The following EYS variants were observed in gnomAD, a reference collection of about 807,000 sequenced individuals.
EYS encodes EGF-like photoreceptor maintenance factor.
EYS carries 250 observed loss-of-function variants against 282.1 expected under a neutral mutation model. The ratio of observed to expected loss-of-function variants is 0.89; its 90% CI spans 0.80 to 0.98. EYS has a LOEUF of 0.98. EYS is among the 50% of genes least tolerant of loss of function. The probability of loss-of-function intolerance (pLI) is 0.00; values close to 1 mark genes in which losing one functional copy is unlikely to be tolerated. For missense variants in EYS, 4,016 were observed against 3,709.0 expected, an observed-to-expected ratio of 1.08 and a Z score of -2.15; for synonymous variants, 1,355 against 1,282.9, an observed-to-expected ratio of 1.06 and a Z score of -1.20.
intron 8 of EYS, among the ~76,000 whole-genome samples, chr6:65,380,487 C>T (rs372665394): frequency 4.9e-4 from 74 of 152,170 alleles, no homozygotes; most frequent in East Asian, 2.1e-3. Flanking sequence ...GGATTAAAGA[C>T]GTAAATGTAA....
At chr6:64,712,270 C>A (rs994476894) in intron 22 of EYS, among the ~76,000 whole-genome samples, 1 of 152,118 alleles carries the variant, frequency 6.6e-6, no homozygotes, top group African/African-American at 2.4e-5. Flanking sequence ...AGAATATATA[C>A]GAGCTGTAGC....
intron 12 of EYS, among the ~76,000 whole-genome samples, chr6:65,205,085 A>G (rs1291974016): frequency 6.9e-6 from 1 of 145,442 alleles, no homozygotes; most frequent in Non-Finnish European, 1.5e-5. Flanking sequence ...ATATATTTAT[A>G]TATTCTTTAT....
At chr6:65,592,909 C>A (rs1011488411) in intron 2 of EYS, among the ~76,000 whole-genome samples, 1 of 151,988 alleles carries the variant, frequency 6.6e-6, no homozygotes, top group Non-Finnish European at 1.5e-5. Flanking sequence ...CACGTAGCAT[C>A]CTTCTCTACC....
At chr6:64,169,447 T>TTTTTTTTTTTTTTTTTTTTTA (rs1764411208) in intron 31 of EYS, among the ~76,000 whole-genome samples, 2 of 137,460 alleles carry the variant, frequency 1.5e-5, no homozygotes, top group African/African-American at 5.2e-5. Flanking sequence ...TTTTTTTTTT[T>TTTTTTTTTTTTTTTTTTTTTA]ACAAAAAGGA....
intron 2 of EYS, among the ~76,000 whole-genome samples, chr6:65,504,192 A>G (rs113102196): frequency 0.044 from 6,550 of 149,782 alleles, 334 homozygotes; most frequent in African/African-American, 0.12. Flanking sequence ...CCAATTATTT[A>G]TTTATTTTGG....
chr6:64,280,451 AG>A (rs1432811803), intron 30 of EYS, among the ~76,000 whole-genome samples: 14 of 152,132 alleles, frequency 9.2e-5, no homozygotes. Context: ...CATGTGCTTA[AG>A]GCCGTTTGAG....
chr6:64,747,164 C>T (rs1182869206), intron 22 of EYS, among the ~76,000 whole-genome samples: 1 of 152,158 alleles, frequency 6.6e-6, no homozygotes, highest in Non-Finnish European at 1.5e-5. Context: ...AGTAAAACTA[C>T]TTTGTAATTT....
At chr6:64,166,284 C>T (rs890609557) in intron 31 of EYS, among the ~76,000 whole-genome samples, 2 of 152,164 alleles carry the variant, frequency 1.3e-5, no homozygotes, top group African/African-American at 4.8e-5. Context: ...GTTCGCTTAA[C>T]GAGTATTCCC....
chr6:64,573,592 A>G (rs1471881579), intron 26 of EYS, among the ~76,000 whole-genome samples: 1 of 152,174 alleles, frequency 6.6e-6, no homozygotes, highest in Non-Finnish European at 1.5e-5. Context: ...GAAAAAATCA[A>G]TCCCGTCAAA....
At chr6:64,685,065 A>G (rs2149907942) in intron 22 of EYS, among the ~76,000 whole-genome samples, 1 of 152,228 alleles carries the variant, frequency 6.6e-6, no homozygotes, top group Non-Finnish European at 1.5e-5. Context: ...GTTGAAAGCA[A>G]AGGTAAAAGA....
chr6:63,753,740 A>G (rs2149650099), intron 41 of EYS, among the ~76,000 whole-genome samples: 1 of 152,308 alleles, frequency 6.6e-6, no homozygotes, highest in Admixed American at 6.5e-5. Flanking sequence ...TTGAGTGGAG[A>G]CAGAGAGCTA....
intron 22 of EYS, among the ~76,000 whole-genome samples, chr6:64,719,422 C>T (rs990580993): frequency 6.6e-6 from 1 of 151,936 alleles, no homozygotes; most frequent in East Asian, 1.9e-4. Context: ...GAGTACATTG[C>T]TATTGGGAAA....
At chr6:63,816,947 A>G (rs539357220) in intron 36 of EYS, among the ~76,000 whole-genome samples, 3 of 152,322 alleles carry the variant, frequency 2.0e-5, no homozygotes, top group South Asian at 4.1e-4. Context: ...TTCTTTCCCA[A>G]TTGGAGACTT....
At chr6:65,463,069 C>T (rs1399479023) in intron 5 of EYS, among the ~76,000 whole-genome samples, 2 of 152,050 alleles carry the variant, frequency 1.3e-5, no homozygotes, top group South Asian at 4.1e-4. Context: ...CCACAGCAGT[C>T]AGAATGACTG....
intron 8 of EYS, among the ~76,000 whole-genome samples, chr6:65,369,908 C>G (rs989532513): frequency 1.3e-5 from 2 of 151,646 alleles, no homozygotes; most frequent in African/African-American, 4.8e-5. Context: ...ACTCTCAGCA[C>G]AAATTATGGC....
intron 26 of EYS, among the ~76,000 whole-genome samples, chr6:64,441,780 T>C (rs1334097679): frequency 6.6e-6 from 1 of 152,202 alleles, no homozygotes; most frequent in Non-Finnish European, 1.5e-5. Context: ...GCCATCCATG[T>C]AAGAGGTGAC....
At chr6:64,003,722 T>A (rs911325616) in intron 33 of EYS, among the ~76,000 whole-genome samples, 8 of 152,242 alleles carry the variant, frequency 5.3e-5, no homozygotes, top group African/African-American at 1.4e-4. Flanking sequence ...GAATTGTAGT[T>A]CCCATAATCC....
chr6:64,422,180 T>TA (rs919043802), intron 28 of EYS, among the ~76,000 whole-genome samples: 11 of 152,028 alleles, frequency 7.2e-5, no homozygotes, highest in Non-Finnish European at 1.6e-4. Context: ...GACAGACAGA[T>TA]AGACTTTTTT....
chr6:65,618,487 T>C (rs1228052764), intron 2 of EYS, among the ~76,000 whole-genome samples: 5 of 152,294 alleles, frequency 3.3e-5, no homozygotes, highest in East Asian at 3.9e-4. Context: ...CAAAAATTTT[T>C]TCCTATTTTG....
Sources: allele counts gnomAD v4.1 joint callset (sites outside exome capture counted in the v4.1 genomes callset), GRCh38; gene constraint gnomAD v4.1.1; transcripts MANE v1.5; gene names NCBI Gene and HGNC (gene_info 2026-07-23, HGNC 2026-07-21).